The following GIMAP7 variants were observed in gnomAD, a reference collection of about 807,000 sequenced individuals.
GIMAP7 encodes GTPase IMAP family member 7.
For synonymous variants in GIMAP7, 137 were observed against 129.3 expected, an observed-to-expected ratio of 1.06 and a Z score of -0.40; for missense variants, 323 against 359.7, an observed-to-expected ratio of 0.90 and a Z score of 0.83.
At chr7:150,518,842 C>G (rs1339552219) in intron 1 of GIMAP7, among the ~76,000 whole-genome samples, 1 of 151,962 alleles carries the variant, frequency 6.6e-6, no homozygotes, top group Non-Finnish European at 1.5e-5. Context: ...AATTTCTGAT[C>G]TATTTGGAAT....
chr7:150,520,031 T>C lies in GIMAP7; in HGVS notation c.57T>C (p.Ser19=). 6.2e-7 allele frequency: 1 copy of C among 1,613,860 alleles called. No homozygotes were observed. The highest frequency in any genetic ancestry group is 8.5e-7 in the Non-Finnish European group (1 of 1,179,952). The change falls in exon 2 of 2, where the codon AGT becomes AGC. Residue 19 remains serine (S), a synonymous_variant. Coordinates refer to ENST00000313543, the MANE Select transcript of GIMAP7 (RefSeq NM_153236.4). ...TCGTTCTGGTAGGGAAAACTGGAAG[T>C]GGGAAAAGTGCAACAGCGAACACCA... ...LRIVLVGKTG[S]GKSATANTIL... is the part of the protein sequence containing the mutation.
rs1795185057 is a variant in GIMAP7 at position 150,520,983 on chromosome 7, A to T, written c.*106A>T. The T allele has an allele frequency of 2.4e-6, 1 of 415,180 alleles. No individual in the cohort carries two copies. Among genetic ancestry groups the T allele is most frequent in the Non-Finnish European group, 4.1e-6 (1 of 245,338 alleles). 25.7% of individuals were successfully genotyped at this position (415,180 alleles called of 1,614,324 possible). ...GGTATCATTGATAAATAAAAATAAAATATGTTTAATGTATATAATGTGATT... is the reference window on the plus strand; with the variant it reads ...GGTATCATTGATAAATAAAAATAAATTATGTTTAATGTATATAATGTGATT... On this transcript the variant is annotated 3_prime_UTR_variant, in exon 2 of 2. Transcript: ENST00000313543.
Position 150,521,012 on chromosome 7 carries a change from A to T in GIMAP7, c.*135A>T, listed in dbSNP as rs1315535748. On this transcript the variant is annotated 3_prime_UTR_variant, in exon 2 of 2. Coordinates refer to ENST00000313543, the MANE Select transcript of GIMAP7 (RefSeq NM_153236.4). ...GTTTAATGTATATAATGTGATTTTT[A>T]AATATATATATATATATACACACAT... 4.0e-6 allele frequency: 1 copy of T among 248,516 alleles called. No individual in the cohort carries two copies. The highest frequency in any genetic ancestry group is 4.9e-5 in the African/African-American group (1 of 20,610). 15.4% of individuals were successfully genotyped at this position (248,516 alleles called of 1,614,324 possible).
In GIMAP7 at chr7:150,520,541, A is replaced by G; in HGVS notation, c.567A>G (p.Ile189Met). 1 of 1,614,234 alleles carries G rather than the reference A, an allele frequency of 6.2e-7. No homozygotes were observed. Among genetic ancestry groups the G allele is most frequent in the Middle Eastern group, 1.6e-4 (1 of 6,062 alleles). Residue 189 changes from isoleucine (I) to methionine (M), a missense_variant, in exon 2 of 2, where the codon ATA becomes ATG. Transcript: ENST00000313543. Reference protein sequence around the residue: ...ESQVQELVELIEKMVQCNEGA... With the variant: ...ESQVQELVELMEKMVQCNEGA... ...AAGTGCAGGAGTTGGTGGAGCTGAT[A>G]GAGAAAATGGTGCAGTGCAACGAAG...
rs768173111 is a variant in GIMAP7 at position 150,520,148 on chromosome 7, CCTT to C, written c.178_180del (p.Leu60del). 1.2e-6 allele frequency: 2 copies of C among 1,614,112 alleles called. No individual in the cohort carries two copies. The highest frequency in any genetic ancestry group is 1.7e-6 in the Non-Finnish European group (2 of 1,180,002). On this transcript the variant is annotated inframe_deletion, in exon 2 of 2. Coordinates refer to ENST00000313543, the MANE Select transcript of GIMAP7 (RefSeq NM_153236.4). Reference sequence around the variant, plus strand: ...CATCCCGGGAATGGCAGGGGAGAGACCTTCTTGTTGTAGACACTCCAGGGCTCT... The same window carrying C: ...CATCCCGGGAATGGCAGGGGAGAGACCTTGTTGTAGACACTCCAGGGCTCT...
intron 1 of GIMAP7, among the ~76,000 whole-genome samples, chr7:150,515,944 T>G (rs1795133379): frequency 6.6e-6 from 1 of 152,194 alleles, no homozygotes; most frequent in South Asian, 2.1e-4. Context: ...GCCATGTCAA[T>G]GAAAATTTAG....
chr7:150,518,473 T>C (rs535128010), intron 1 of GIMAP7, among the ~76,000 whole-genome samples: 1 of 152,254 alleles, frequency 6.6e-6, no homozygotes, highest in Admixed American at 6.5e-5. Flanking sequence ...TATCTTTTTA[T>C]GTATTCAAGG....
chr7:150,515,588 G>T (rs1276180849), intron 1 of GIMAP7, among the ~76,000 whole-genome samples: 2 of 152,210 alleles, frequency 1.3e-5, no homozygotes, highest in Non-Finnish European at 2.9e-5. Flanking sequence ...GAGGGAACTG[G>T]ATCTCAAGGA....
In GIMAP7 at chr7:150,520,102, T is replaced by C; in HGVS notation, c.128T>C (p.Val43Ala). 1 of 1,614,154 alleles carries C rather than the reference T, an allele frequency of 6.2e-7. No individual in the cohort carries two copies. The highest frequency in any genetic ancestry group is 8.5e-7 in the Non-Finnish European group (1 of 1,180,004). Residue 43 changes from valine (V) to alanine (A), a missense_variant, in exon 2 of 2, where the codon GTT becomes GCT. Coordinates refer to ENST00000313543, the MANE Select transcript of GIMAP7 (RefSeq NM_153236.4). ...GATTCTAGAATTGCTGCCCAAGCTG[T>C]TACCAAGAACTGTCAAAAAGCATCC... is the stretch of plus-strand genomic sequence containing the variant. ...IFDSRIAAQAVTKNCQKASRE... is the reference protein window; with the variant it reads ...IFDSRIAAQAATKNCQKASRE...
At chr7:150,515,880 C>A (rs932918242) in intron 1 of GIMAP7, among the ~76,000 whole-genome samples, 1 of 152,216 alleles carries the variant, frequency 6.6e-6, no homozygotes, top group African/African-American at 2.4e-5. Context: ...CCCAGCTCAC[C>A]TTTTTGCAGA....
At chr7:150,517,115 T>G (rs991045663) in intron 1 of GIMAP7, among the ~76,000 whole-genome samples, 1 of 152,220 alleles carries the variant, frequency 6.6e-6, no homozygotes, top group Admixed American at 6.5e-5. Context: ...ATGAGATGTA[T>G]GAAAGACAAA....
chr7:150,520,062 G>C lies in GIMAP7; in HGVS notation c.88G>C (p.Gly30Arg), dbSNP rs114367962. The C allele has an allele frequency of 1.1e-3, 1,703 of 1,614,102 alleles. 1 individual carries two copies. Among genetic ancestry groups the C allele is most frequent in the Non-Finnish European group, 1.4e-3 (1,604 of 1,180,008 alleles). ...AAGTGCAACAGCGAACACCATCCTT[G>C]GAGAGGAAATCTTTGATTCTAGAAT... ...GKSATANTIL[G>R]EEIFDSRIAA... The change falls in exon 2 of 2, where the codon GGA (glycine) becomes CGA (arginine). Residue 30 changes from glycine (G) to arginine (R), a missense_variant. Physicochemically the swap from Gly to Arg is moderately radical, Grantham distance 125. Coordinates refer to ENST00000313543, the MANE Select transcript of GIMAP7 (RefSeq NM_153236.4).
intron 1 of GIMAP7, among the ~76,000 whole-genome samples, chr7:150,518,612 T>C (rs529768748): frequency 5.3e-5 from 8 of 151,016 alleles, no homozygotes; most frequent in Non-Finnish European, 1.2e-4. Flanking sequence ...CTCTTTGAGA[T>C]AAATCGGAAA....
At chr7:150,518,318 T>G (rs1245802908) in intron 1 of GIMAP7, among the ~76,000 whole-genome samples, 1 of 152,162 alleles carries the variant, frequency 6.6e-6, no homozygotes, top group African/African-American at 2.4e-5. Context: ...TGCAAGAAAT[T>G]ATCTGTTTTC....
At position 150,520,665 on chromosome 7, in the gene GIMAP7, G is replaced by A. The variant is rs1366851870; in HGVS notation, c.691G>A (p.Glu231Lys). The A allele has an allele frequency of 6.2e-7, 1 of 1,609,918 alleles. No individual in the cohort carries two copies. The highest frequency in any genetic ancestry group is 1.3e-5 in the African/African-American group (1 of 74,794). The change falls in exon 2 of 2, where the codon GAA becomes AAA. Residue 231 changes from glutamate to lysine, a missense_variant. By Grantham distance (56) the Glu-to-Lys change is moderately conservative. Transcript: ENST00000313543. The part of the protein sequence containing the change: ...RKIYTDQLNE[E>K]IKLVEEDKHK... Reference sequence around the variant, plus strand: ...AATCTACACTGACCAATTAAATGAAGAAATTAAACTAGTAGAAGAGGATAA... The same window carrying A: ...AATCTACACTGACCAATTAAATGAAAAAATTAAACTAGTAGAAGAGGATAA...
chr7:150,518,347 G>C (rs1795155112), intron 1 of GIMAP7, among the ~76,000 whole-genome samples: 1 of 152,126 alleles, frequency 6.6e-6, no homozygotes, highest in South Asian at 2.1e-4. Context: ...TTTACCACCA[G>C]ATTATGCTGG....
chr7:150,520,659 A>G lies in GIMAP7; in HGVS notation c.685A>G (p.Asn229Asp). The stretch of plus-strand genomic sequence containing the variant: ...GAGGAAAATCTACACTGACCAATTA[A>G]ATGAAGAAATTAAACTAGTAGAAGA... ...VLRKIYTDQL[N>D]EEIKLVEEDK... is the part of the protein sequence containing the mutation. Residue 229 changes from asparagine (N) to aspartate (D), a missense_variant, in exon 2 of 2, where the codon AAT (asparagine) becomes GAT (aspartate). Coordinates refer to ENST00000313543, the MANE Select transcript of GIMAP7 (RefSeq NM_153236.4). 2.5e-6 allele frequency: 4 copies of G among 1,612,712 alleles called. No homozygotes were observed. Among genetic ancestry groups the G allele is most frequent in the Non-Finnish European group, 2.5e-6 (3 of 1,178,796 alleles).
Position 150,520,268 on chromosome 7 carries a change from T to C in GIMAP7, c.294T>C (p.Val98=), listed in dbSNP as rs1795175368. Residue 98 remains valine (V), a synonymous_variant, in exon 2 of 2, where the codon GTT becomes GTC. Coordinates refer to ENST00000313543, the MANE Select transcript of GIMAP7 (RefSeq NM_153236.4). The part of the protein sequence containing the change: ...SCPGPHAIVL[V]LLLGRYTEEE... ...CAGGGCCCCATGCTATTGTCCTAGT[T>C]CTGCTGCTGGGCCGCTACACAGAGG... is the stretch of plus-strand genomic sequence containing the variant. 1.2e-6 allele frequency: 2 copies of C among 1,614,052 alleles called. No homozygotes were observed. The highest frequency in any genetic ancestry group is 1.7e-6 in the Non-Finnish European group (2 of 1,180,036).
rs750886687 is a variant in GIMAP7 at position 150,520,419 on chromosome 7, G to C, written c.445G>C (p.Ala149Pro). 6 of 1,614,222 alleles carry C rather than the reference G, an allele frequency of 3.7e-6. No individual in the cohort carries two copies. The South Asian group carries it at 6.6e-5, about 18-fold the overall frequency. Residue 149 changes from alanine (A) to proline (P), a missense_variant, in exon 2 of 2, where the codon GCG becomes CCG. By Grantham distance (27) the Ala-to-Pro change is conservative. Transcript: ENST00000313543. ...GAGCTTCCATGACTTCATAGCAGAT[G>C]CGGATGTGGGCCTAAAAAGCATCGT... ...GQSFHDFIAD[A>P]DVGLKSIVKE... is the part of the protein sequence containing the mutation.
Sources: allele counts gnomAD v4.1 joint callset (sites outside exome capture counted in the v4.1 genomes callset), GRCh38; gene constraint gnomAD v4.1.1; transcripts MANE v1.5; gene names NCBI Gene and HGNC (gene_info 2026-07-23, HGNC 2026-07-21).